SLC35F1: variants seen among roughly 807,000 people sequenced by gnomAD.
SLC35F1 encodes chromosome 6 open reading frame 169.
Under a neutral mutation model 48.7 loss-of-function variants are expected in SLC35F1, and 14 were observed. The ratio of observed to expected loss-of-function variants is 0.29; its 90% CI spans 0.19 to 0.45. The LOEUF (loss-of-function observed/expected upper bound fraction) is 0.45, where lower values mean the gene tolerates loss of function less well. Among genes scored for constraint, SLC35F1 ranks in the 20% least tolerant of loss-of-function variants. The pLI is 1.00. For synonymous variants in SLC35F1, 190 were observed against 202.2 expected (o/e 0.94, Z 0.51); for missense variants, 404 against 500.0 (o/e 0.81, Z 1.83).
intron 3 of SLC35F1, among the ~76,000 whole-genome samples, chr6:118,251,864 C>A (rs577595537): frequency 1.3e-5 from 2 of 152,184 alleles, no homozygotes; most frequent in South Asian, 4.2e-4. Context: ...GAAGACTGTT[C>A]TTACCCTCAT....
chr6:118,241,021 T>C (rs1023335355), intron 3 of SLC35F1, among the ~76,000 whole-genome samples: 2 of 152,294 alleles, frequency 1.3e-5, no homozygotes, highest in African/African-American at 4.8e-5. Context: ...TCAAAGACCA[T>C]TGTGGCTGGT....
At chr6:117,912,239 T>C (rs1231545664) in intron 1 of SLC35F1, among the ~76,000 whole-genome samples, 1 of 152,234 alleles carries the variant, frequency 6.6e-6, no homozygotes, top group East Asian at 1.9e-4. Flanking sequence ...TTCCAACTTA[T>C]ATTTAGATTT....
At chr6:118,214,495 G>A (rs559688523) in intron 2 of SLC35F1, among the ~76,000 whole-genome samples, 2 of 152,222 alleles carry the variant, frequency 1.3e-5, no homozygotes, top group East Asian at 1.9e-4. Context: ...AAATGTGATG[G>A]TATATTTTAA....
At chr6:117,969,440 G>T (rs1776611739) in intron 1 of SLC35F1, among the ~76,000 whole-genome samples, 1 of 152,078 alleles carries the variant, frequency 6.6e-6, no homozygotes, top group Non-Finnish European at 1.5e-5. Context: ...TATGGACATG[G>T]TCTAACTTTT....
At chr6:118,103,746 A>G (rs1011084386) in intron 1 of SLC35F1, among the ~76,000 whole-genome samples, 2 of 152,194 alleles carry the variant, frequency 1.3e-5, no homozygotes, top group African/African-American at 2.4e-5. Flanking sequence ...TTATGACCCA[A>G]TAGATCTGGG....
At chr6:117,973,242 A>G (rs1376463880) in intron 1 of SLC35F1, among the ~76,000 whole-genome samples, 1 of 152,136 alleles carries the variant, frequency 6.6e-6, no homozygotes, top group Non-Finnish European at 1.5e-5. Flanking sequence ...TTATAAAGAC[A>G]GCAGTCCTGT....
chr6:118,272,659 T>A (rs115368700), intron 4 of SLC35F1, among the ~76,000 whole-genome samples: 5,834 of 150,574 alleles, frequency 0.039, 396 homozygotes, highest in African/African-American at 0.13. Flanking sequence ...AGAGGAAATA[T>A]AATTTTATAG....
At chr6:118,216,300 T>G (rs1775071606) in intron 2 of SLC35F1, among the ~76,000 whole-genome samples, 1 of 151,594 alleles carries the variant, frequency 6.6e-6, no homozygotes, top group Admixed American at 6.6e-5. Flanking sequence ...CAGGCTGATC[T>G]CAAACTCCTG....
chr6:118,193,064 C>T (rs1276725892), intron 2 of SLC35F1, among the ~76,000 whole-genome samples: 1 of 152,048 alleles, frequency 6.6e-6, no homozygotes, highest in South Asian at 2.1e-4. Context: ...TTATCTTTCC[C>T]TTCTTTTTTC....
Position 118,267,978 on chromosome 6 carries a change from C to T in SLC35F1, c.637+824C>T, listed in dbSNP as rs141236991. Among the ~76,000 whole-genome samples, 501 of 152,078 alleles carry T rather than the reference C, an allele frequency of 3.3e-3. 3 individuals are homozygous for T. The highest frequency in any genetic ancestry group is 0.012 in the African/African-American group (480 of 41,472). On this transcript the variant is annotated intron_variant, in intron 4 of 7. Coordinates refer to ENST00000360388, the MANE Select transcript of SLC35F1 (RefSeq NM_001029858.4). ...ACATTAGAAATGGGATAGAAAGTAC[C>T]CACTTTTCTATAGTTCTTGGAATTG... is the stretch of plus-strand genomic sequence containing the variant.
At chr6:118,138,313 A>G (rs1020700084) in intron 1 of SLC35F1, among the ~76,000 whole-genome samples, 8 of 152,044 alleles carry the variant, frequency 5.3e-5, no homozygotes, top group African/African-American at 1.9e-4. Flanking sequence ...ACCTCAAAAA[A>G]AAAAAAAAAT....
intron 3 of SLC35F1, among the ~76,000 whole-genome samples, chr6:118,262,422 G>A (rs755386435): frequency 1.3e-5 from 2 of 151,924 alleles, no homozygotes; most frequent in Admixed American, 1.3e-4. Context: ...GGAGAAAGAG[G>A]GGAAATTAAA....
intron 1 of SLC35F1, among the ~76,000 whole-genome samples, chr6:118,002,054 G>T (rs1408815424): frequency 6.8e-6 from 1 of 147,292 alleles, no homozygotes; most frequent in Non-Finnish European, 1.5e-5. Flanking sequence ...GATTCCTCAG[G>T]GATCTAGAAC....
At chr6:118,121,275 G>T (rs981883295) in intron 1 of SLC35F1, among the ~76,000 whole-genome samples, 3 of 152,184 alleles carry the variant, frequency 2.0e-5, no homozygotes, top group African/African-American at 7.2e-5. Context: ...TCTATTTTTA[G>T]AAAGTTGGAA....
chr6:118,176,169 CT>C (rs1774486265), intron 2 of SLC35F1, among the ~76,000 whole-genome samples: 1 of 152,042 alleles, frequency 6.6e-6, no homozygotes, highest in African/African-American at 2.4e-5. Flanking sequence ...TTGAACTGTT[CT>C]TTTATTAGAT....
At chr6:118,174,967 AAG>A (rs1171716620) in intron 2 of SLC35F1, among the ~76,000 whole-genome samples, 3 of 152,140 alleles carry the variant, frequency 2.0e-5, no homozygotes, top group Non-Finnish European at 4.4e-5. Context: ...AGACAATTAA[AAG>A]TCATACATCT....
chr6:118,307,492 A>G (rs1226351513), intron 7 of SLC35F1, among the ~76,000 whole-genome samples: 1 of 152,338 alleles, frequency 6.6e-6, no homozygotes, highest in East Asian at 1.9e-4. Context: ...GAGGAGAAAT[A>G]AGGGACATGA....
chr6:118,296,988 T>C (rs1193901079), intron 7 of SLC35F1, among the ~76,000 whole-genome samples: 1 of 152,104 alleles, frequency 6.6e-6, no homozygotes, highest in East Asian at 1.9e-4. Context: ...TGCTAAGATG[T>C]AAAACAAAGA....
intron 1 of SLC35F1, among the ~76,000 whole-genome samples, chr6:118,005,253 A>T (rs1004066366): frequency 6.6e-6 from 1 of 152,030 alleles, no homozygotes; most frequent in African/African-American, 2.4e-5. Context: ...AAGAGAGAAA[A>T]CTGGCCAAGT....
Sources: allele counts gnomAD v4.1 joint callset (sites outside exome capture counted in the v4.1 genomes callset), GRCh38; gene constraint gnomAD v4.1.1; transcripts MANE v1.5; gene names NCBI Gene and HGNC (gene_info 2026-07-23, HGNC 2026-07-21).